Variants in STRBP observed in about 807,000 individuals in gnomAD.
The protein encoded by STRBP is spermatid perinuclear RNA binding protein, also known as spermatid perinuclear RNA-binding protein.
A neutral mutation model predicts 80.1 loss-of-function variants in STRBP; 13 were observed. That is an observed-to-expected ratio of 0.16 (90% CI 0.11 to 0.26). The LOEUF is 0.26. Ranked by LOEUF, STRBP falls within the 10% of genes least tolerant of loss-of-function variation. The pLI is 1.00. For missense variants in STRBP, 485 were observed against 815.2 expected (o/e 0.59, Z 4.93); for synonymous variants, 284 against 291.2 (o/e 0.98, Z 0.25).
intron 2 of STRBP, among the ~76,000 whole-genome samples, chr9:123,227,914 G>A (rs1424629462): frequency 2.0e-5 from 3 of 152,124 alleles, no homozygotes; most frequent in African/African-American, 2.4e-5. Context: ...CTAGACTGTT[G>A]GAGGTAAACA....
chr9:123,143,040 G>A (rs890745782), intron 13 of STRBP, among the ~76,000 whole-genome samples: 3 of 152,018 alleles, frequency 2.0e-5, no homozygotes, highest in African/African-American at 7.2e-5. Flanking sequence ...CGAATACTAG[G>A]GGCCAAGAAT....
At chr9:123,218,263 GACTGGGAATGATATGTAACATGTAATCAA>G (rs931814261) in intron 2 of STRBP, among the ~76,000 whole-genome samples, 7 of 151,660 alleles carry the variant, frequency 4.6e-5, no homozygotes, top group Admixed American at 2.0e-4. Flanking sequence ...CTGAGGAGTG[GACTGGGAATGATATGTAACATGTAATCAA>G]AAACAATGCA....
At chr9:123,214,739 T>A (rs1388117509) in intron 2 of STRBP, among the ~76,000 whole-genome samples, 4 of 152,190 alleles carry the variant, frequency 2.6e-5, no homozygotes, top group Non-Finnish European at 5.9e-5. Context: ...CTCAGACAAC[T>A]GTACCTACCT....
intron 17 of STRBP, among the ~76,000 whole-genome samples, chr9:123,130,833 A>G (rs1244560475): frequency 6.6e-6 from 1 of 152,008 alleles, no homozygotes; most frequent in Non-Finnish European, 1.5e-5. Context: ...TTCTTTCTAT[A>G]TATTCAATAC....
chr9:123,217,715 A>G (rs2039941997), intron 2 of STRBP, among the ~76,000 whole-genome samples: 1 of 152,234 alleles, frequency 6.6e-6, no homozygotes, highest in Non-Finnish European at 1.5e-5. Context: ...ATAATGCTGA[A>G]CTATTTTAAA....
At chr9:123,151,421 G>A (rs991440300) in intron 11 of STRBP, among the ~76,000 whole-genome samples, 2 of 152,082 alleles carry the variant, frequency 1.3e-5, no homozygotes, top group African/African-American at 4.8e-5. Flanking sequence ...AGCAAAAAAC[G>A]ACCATGTGCT....
At chr9:123,250,509 T>C (rs2040890751) in intron 1 of STRBP, among the ~76,000 whole-genome samples, 2 of 152,142 alleles carry the variant, frequency 1.3e-5, no homozygotes, top group South Asian at 2.1e-4. Context: ...AAAGGGTCTA[T>C]AGTTAAAAAA....
Position 123,124,637 on chromosome 9 carries a change from A to G in STRBP, c.*960T>C, listed in dbSNP as rs1036471512. 2.0e-6 allele frequency: 2 copies of G among 985,406 alleles called. No homozygotes were observed. The highest frequency in any genetic ancestry group is 1.2e-6 in the Non-Finnish European group (1 of 829,928). The allele number at this position is 985,406 out of a possible 1,614,324, so 61.0% of individuals were successfully genotyped here. ...ATCCCAGCAAAATCACTAATCTTCT[A>G]TCTGCATGAAAAAAGCCAGGGAGTG... On this transcript the variant is annotated 3_prime_UTR_variant, in exon 19 of 19. Transcript: ENST00000348403.
At position 123,125,556 on chromosome 9, in the gene STRBP, T is replaced by A. The variant is rs769041361; in HGVS notation, c.*41A>T. ...GCTTTTTCTCTAACATTCTGTGTTG[T>A]ACTGTATTGTTGTTCAATAGGAATT... On this transcript the variant is annotated 3_prime_UTR_variant, in exon 19 of 19. Transcript: ENST00000348403. 12 of 1,602,422 alleles carry A rather than the reference T, an allele frequency of 7.5e-6. No individual in the cohort carries two copies. The highest frequency in any genetic ancestry group is 9.4e-6 in the Non-Finnish European group (11 of 1,175,802).
chr9:123,151,308 TTAA>T (rs2037046973), intron 11 of STRBP, among the ~76,000 whole-genome samples: 1 of 152,080 alleles, frequency 6.6e-6, no homozygotes, highest in African/African-American at 2.4e-5. Flanking sequence ...CTCTCAGCAA[TTAA>T]TAACAAACAA....
At chr9:123,181,722 C>A (rs1281159611) in intron 3 of STRBP, among the ~76,000 whole-genome samples, 1 of 128,554 alleles carries the variant, frequency 7.8e-6, no homozygotes, top group Admixed American at 9.8e-5. Context: ...ATTGCTTGAA[C>A]CCAGGAGGCG....
rs781298135 is a variant in STRBP at position 123,160,390 on chromosome 9, T to C, written c.700A>G (p.Thr234Ala). 1 of 1,602,080 alleles carries C rather than the reference T, an allele frequency of 6.2e-7. No homozygotes were observed. The highest frequency in any genetic ancestry group is 1.1e-5 in the South Asian group (1 of 89,600). ...ACCCATCCTTTCAATGGTGCCCATG[T>C]GGGGACTCTGTTGCACAAATCACGC... ...ILRDLCNRVPTWAPLKGWPLE... is the reference protein window; with the variant it reads ...ILRDLCNRVPAWAPLKGWPLE... Residue 234 changes from threonine to alanine, a missense_variant, in exon 8 of 19, where the codon ACA (threonine) becomes GCA (alanine). Physicochemically the swap from Thr to Ala is moderately conservative, Grantham distance 58. Coordinates refer to ENST00000348403, the MANE Select transcript of STRBP (RefSeq NM_018387.5).
intron 12 of STRBP, among the ~76,000 whole-genome samples, chr9:123,147,362 CTA>C (rs1301107720): frequency 6.6e-6 from 1 of 152,072 alleles, no homozygotes. Flanking sequence ...TCTCAAAACT[CTA>C]ATTCAAATCA....
chr9:123,151,633 C>A (rs2037060604), intron 11 of STRBP, among the ~76,000 whole-genome samples: 2 of 152,030 alleles, frequency 1.3e-5, no homozygotes, highest in Non-Finnish European at 2.9e-5. Flanking sequence ...ATAGCTTTAA[C>A]TAAATGATTA....
rs751593665 is a variant in STRBP, at chr9:123,159,154, G to A, written c.777C>T (p.Gly259=). The part of the protein sequence containing the change: ...KSIGTCNRPL[G]AGEALRRVME... ...TTACTCGTCTCAAGGCCTCCCCAGC[G>A]CCCAAAGGTCTATTACAAGTACCTA... Residue 259 remains glycine, a synonymous_variant, in exon 9 of 19, where the codon GGC becomes GGT. Coordinates refer to ENST00000348403, the MANE Select transcript of STRBP (RefSeq NM_018387.5). 7.4e-6 allele frequency: 12 copies of A among 1,613,368 alleles called. No homozygotes were observed. Among genetic ancestry groups the A allele is most frequent in the African/African-American group, 2.7e-5 (2 of 74,838 alleles).
chr9:123,191,569 G>T (rs1322001198), intron 2 of STRBP, among the ~76,000 whole-genome samples: 2 of 152,062 alleles, frequency 1.3e-5, no homozygotes, highest in African/African-American at 4.8e-5. Context: ...TGCAAATGTA[G>T]CCATACATGA....
Position 123,158,030 on chromosome 9 carries a change from A to G in STRBP, c.1027T>C (p.Ser343Pro). Residue 343 changes from serine to proline, a missense_variant, in exon 11 of 19, where the codon TCA becomes CCA. By Grantham distance (74) the Ser-to-Pro change is moderately conservative. Transcript: ENST00000348403. The part of the protein sequence containing the change: ...SSKPFQKYSW[S>P]VTDKEGAGSS... ...TGCTCACCTTCTTTATCAGTAACTG[A>G]CCAGGAATACTTCTGAAAAGGCTTA... 6 of 1,610,506 alleles carry G rather than the reference A, an allele frequency of 3.7e-6. No individual in the cohort carries two copies. The highest frequency in any genetic ancestry group is 5.1e-6 in the Non-Finnish European group (6 of 1,178,750).
intron 2 of STRBP, among the ~76,000 whole-genome samples, chr9:123,234,453 T>G (rs2040492046): frequency 6.6e-6 from 1 of 151,972 alleles, no homozygotes; most frequent in Non-Finnish European, 1.5e-5. Flanking sequence ...TACAGGATCC[T>G]TACTTCCCAA....
chr9:123,206,887 C>T (rs1245509636), intron 2 of STRBP, among the ~76,000 whole-genome samples: 1 of 152,156 alleles, frequency 6.6e-6, no homozygotes, highest in Admixed American at 6.5e-5. Context: ...ATCCGCCCAC[C>T]TTGGCCTCCC....
Sources: allele counts gnomAD v4.1 joint callset (sites outside exome capture counted in the v4.1 genomes callset), GRCh38; gene constraint gnomAD v4.1.1; transcripts MANE v1.5; gene names NCBI Gene and HGNC (gene_info 2026-07-23, HGNC 2026-07-21).